PCDHA9: variants seen among roughly 807,000 people sequenced by gnomAD.
PCDHA9 encodes the protein protocadherin alpha-9.
In PCDHA9, 62 loss-of-function variants were observed where a neutral mutation model predicts 62.0. That is an observed-to-expected ratio of 1.00 (90% CI 0.81 to 1.23). PCDHA9 has a LOEUF of 1.23. Among genes scored for constraint, PCDHA9 ranks in the 50% most tolerant of loss-of-function variants. The pLI is 0.00. For missense variants in PCDHA9, 1,205 were observed against 1,249.8 expected (o/e 0.96, Z 0.54); for synonymous variants, 557 against 567.6 (o/e 0.98, Z 0.27).
chr5:140,971,787 A>G (rs1554233619), intron 1 of PCDHA9, among the ~76,000 whole-genome samples: 5 of 152,124 alleles, frequency 3.3e-5, no homozygotes, highest in Admixed American at 1.3e-4. Context: ...AGATTATTCA[A>G]TATATTGAAT....
chr5:141,000,468 C>T (rs2097940295), intron 3 of PCDHA9, among the ~76,000 whole-genome samples: 1 of 107,380 alleles, frequency 9.3e-6, no homozygotes, highest in Non-Finnish European at 1.8e-5. Context: ...GCTCTTGTTG[C>T]CCAAGCTGGA....
chr5:140,990,148 A>T (rs1236453414), intron 3 of PCDHA9, among the ~76,000 whole-genome samples: 1 of 152,146 alleles, frequency 6.6e-6, no homozygotes, highest in African/African-American at 2.4e-5. Flanking sequence ...AGGCATAATA[A>T]TAGAAAGTTA....
At chr5:140,946,588 A>G (rs2093966025) in intron 1 of PCDHA9, among the ~76,000 whole-genome samples, 1 of 147,134 alleles carries the variant, frequency 6.8e-6, no homozygotes, top group South Asian at 2.1e-4. Context: ...TTCATAGTGG[A>G]TGAATAGATA....
rs2150437500 is a variant in PCDHA9, at chr5:140,849,439, C to A, written c.944C>A (p.Ala315Glu). ...CATATGGATTTTGAAGAAAGTAGAG[C>A]ACACAAGATCCCAGTCGAGGCTGTC... ...IGHMDFEESR[A>E]HKIPVEAVDK... Residue 315 changes from alanine (A) to glutamate (E), a missense_variant, in exon 1 of 4, where the codon GCA (alanine) becomes GAA (glutamate). Physicochemically the swap from Ala to Glu is moderately radical, Grantham distance 107. Around this residue, in one of 3 missense-constraint regions of PCDHA9, gnomAD observed 110 missense variants for 227.2 expected, o/e 0.48. Transcript: ENST00000532602. 1.5e-5 allele frequency: 23 copies of A among 1,582,476 alleles called. 2 individuals carry two copies. In the African/African-American group the frequency reaches 2.8e-4, roughly 19 times the overall value.
In PCDHA9 at chr5:140,858,199, T is replaced by C. The variant is rs142593526; in HGVS notation, c.2394+7310T>C. The C allele has an allele frequency of 1.4e-4, 227 of 1,596,922 alleles. 11 individuals carry two copies. The African/African-American group carries it at 2.3e-3, about 16-fold the overall frequency. On this transcript the variant is annotated intron_variant, in intron 1 of 3. Coordinates refer to ENST00000532602, the MANE Select transcript of PCDHA9 (RefSeq NM_031857.2). ...TGGTGCTCACGCTGCTGCTGTACAC[T>C]GCACTGAGGTGCTCGGCGGCGCCCA...
rs541123870 is a variant in PCDHA9 at position 140,857,278 on chromosome 5, C to T, written c.2394+6389C>T. 4.4e-6 allele frequency: 7 copies of T among 1,598,684 alleles called. No individual in the cohort carries two copies. The South Asian group carries it at 7.7e-5, about 18-fold the overall frequency. On this transcript the variant is annotated intron_variant, in intron 1 of 3. Coordinates refer to ENST00000532602, the MANE Select transcript of PCDHA9 (RefSeq NM_031857.2). ...ATTACTACTCATTGGTGCTGGACAG[C>T]GCTCTGGACCGCGAGAGGGTGTCGG...
At chr5:140,897,356 CCA>C (rs2066046729) in intron 1 of PCDHA9, among the ~76,000 whole-genome samples, 1 of 134,770 alleles carries the variant, frequency 7.4e-6, no homozygotes, top group South Asian at 2.4e-4. Context: ...ACAACTGTCC[CCA>C]GAGTGTGATG....
chr5:140,879,064 G>C (rs1389510074), intron 1 of PCDHA9, among the ~76,000 whole-genome samples: 1 of 152,214 alleles, frequency 6.6e-6, no homozygotes, highest in South Asian at 2.1e-4. Flanking sequence ...TACCAAGAAA[G>C]TGTTAAGAGA....
chr5:140,899,269 A>G (rs1301807291), intron 1 of PCDHA9, among the ~76,000 whole-genome samples: 43 of 152,142 alleles, frequency 2.8e-4, no homozygotes, highest in African/African-American at 1.0e-3. Flanking sequence ...GTCTTGTGGC[A>G]GTTTTCAAAG....
chr5:140,983,005 A>AAAGG (rs1223217874), intron 3 of PCDHA9, among the ~76,000 whole-genome samples: 11 of 152,228 alleles, frequency 7.2e-5, no homozygotes, highest in African/African-American at 2.4e-4. Flanking sequence ...AAAGAAAGAA[A>AAAGG]AAGGAAGGAA....
chr5:141,011,749 G>T lies in PCDHA9; in HGVS notation c.*1812G>T, dbSNP rs782567787. 1.2e-4 allele frequency: 18 copies of T among 153,636 alleles called. No homozygotes were observed. Among genetic ancestry groups the T allele is most frequent in the Non-Finnish European group, 2.5e-4 (17 of 68,010 alleles). 9.5% of individuals were successfully genotyped at this position (153,636 alleles called of 1,614,324 possible). A position where few individuals can be genotyped will look rare whatever the true frequency, so the allele number is the denominator to read the frequency against. On this transcript the variant is annotated 3_prime_UTR_variant, in exon 4 of 4. Coordinates refer to ENST00000532602, the MANE Select transcript of PCDHA9 (RefSeq NM_031857.2). ...GTGCAAGCACAAATTTTACCAATCT[G>T]ACCTCTTTGAAGTTGCAGAATGCTT...
chr5:140,883,640 C>T (rs143631680), intron 1 of PCDHA9: 5 of 1,613,958 alleles, frequency 3.1e-6, no homozygotes, highest in Non-Finnish European at 4.2e-6. Context: ...GTTCGCGCAG[C>T]CCGAGTACAC....
chr5:140,884,692 G>A, intron 1 of PCDHA9: 7 of 1,528,834 alleles, frequency 4.6e-6, no homozygotes, highest in Non-Finnish European at 6.1e-6. Context: ...AATTGTCTTA[G>A]TAAACACTTT....
intron 1 of PCDHA9, among the ~76,000 whole-genome samples, chr5:140,896,511 C>T (rs1344026446): frequency 6.6e-6 from 1 of 151,744 alleles, no homozygotes; most frequent in Non-Finnish European, 1.5e-5. Context: ...TGTGCAGGCA[C>T]ACACCACAAA....
chr5:140,973,481 G>A (rs537904841), intron 1 of PCDHA9, among the ~76,000 whole-genome samples: 2 of 152,208 alleles, frequency 1.3e-5, no homozygotes, highest in East Asian at 3.9e-4. Context: ...ATTTCATATT[G>A]GTCACAGGAC....
chr5:140,978,794 T>A, intron 1 of PCDHA9, 155 bp from the exon 2 acceptor site: 1 of 978,746 alleles, frequency 1.0e-6, no homozygotes, highest in Non-Finnish European at 1.2e-6. Flanking sequence ...GTGCTATATA[T>A]GTAGATATCA....
chr5:140,857,651 AGC>A (rs2044749625), intron 1 of PCDHA9: 2 of 1,596,558 alleles, frequency 1.3e-6, no homozygotes, highest in Middle Eastern at 2.0e-4. Flanking sequence ...GTTCCAGGTG[AGC>A]GCGCGCGATG....
chr5:140,975,578 C>T (rs2096673039), intron 1 of PCDHA9, among the ~76,000 whole-genome samples: 2 of 152,232 alleles, frequency 1.3e-5, no homozygotes, highest in Non-Finnish European at 2.9e-5. Flanking sequence ...TATGCAGTCT[C>T]ATGTCCCAGA....
At chr5:141,007,395 C>CAAAAAAAAAAA (rs35800918) in intron 3 of PCDHA9, among the ~76,000 whole-genome samples, 6 of 94,856 alleles carry the variant, frequency 6.3e-5, no homozygotes, top group South Asian at 3.5e-4. Flanking sequence ...TACTAAAATA[C>CAAAAAAAAAAA]AAAAAAAAAA....
Sources: gnomAD v4.1 joint callset for allele counts (sites outside exome capture counted in the v4.1 genomes callset) on GRCh38, gnomAD v4.1.1 for gene constraint, gnomAD v4.1.1 regional missense constraint, MANE v1.5 for transcripts, NCBI Gene and HGNC (gene_info 2026-07-23, HGNC 2026-07-21) for gene names.